PTPN6: variants seen among roughly 807,000 people sequenced by gnomAD.
PTPN6 encodes tyrosine-protein phosphatase non-receptor type 6.
PTPN6 carries 18 observed loss-of-function variants against 81.5 expected under a neutral mutation model. The observed-to-expected ratio is 0.22, with a 90% confidence interval of 0.15 to 0.33. The LOEUF is 0.33. Among genes scored for constraint, PTPN6 ranks in the 10% least tolerant of loss-of-function variants. The pLI, the probability that PTPN6 is intolerant of heterozygous loss-of-function variation, is 1.00. For synonymous variants in PTPN6, 301 were observed against 310.9 expected (o/e 0.97, Z 0.33); for missense variants, 500 against 794.2 (o/e 0.63, Z 4.45).
rs782105964 is a variant in PTPN6, at chr12:6,955,315, C to T, written c.633+48C>T. The T allele has an allele frequency of 6.2e-7, 1 of 1,611,308 alleles. No homozygotes were observed. On this transcript the variant is annotated intron_variant, in intron 5 of 15. Transcript: ENST00000318974. This position sits in a 1 kb window ranked among gnomAD's most constrained non-coding sequence, Gnocchi z 7.2. Reference sequence around the variant, plus strand: ...TCCCCACTTCCCCTGAGCTGTCCCCCAGATGTGAGCTTCTGGGATCTCTGA... The same window carrying T: ...TCCCCACTTCCCCTGAGCTGTCCCCTAGATGTGAGCTTCTGGGATCTCTGA...
upstream of PTPN6, among the ~76,000 whole-genome samples, chr12:6,949,450 G>A (rs1945889324): frequency 6.6e-6 from 1 of 152,206 alleles, no homozygotes; most frequent in Non-Finnish European, 1.5e-5. Flanking sequence ...TTGGGGGAAA[G>A]GGCACCAGGC....
chr12:6,952,158 T>C lies in PTPN6; in HGVS notation c.307T>C (p.Ser103Pro). ...CCACCTCAAGTACCCGCTGAACTGC[T>C]CCGATCCCACTAGTGAGAGGTGAGG... ...IIHLKYPLNC[S>P]DPTSERWYHG... Residue 103 changes from serine to proline, a missense_variant, in exon 3 of 16, where the codon TCC becomes CCC. Coordinates refer to ENST00000318974, the MANE Select transcript of PTPN6 (RefSeq NM_002831.6). The surrounding 1 kb of genome is among the most constrained non-coding windows in gnomAD (Gnocchi z 8.1). 6.2e-7 allele frequency: 1 copy of C among 1,613,690 alleles called. No individual in the cohort carries two copies. Among genetic ancestry groups the C allele is most frequent in the Non-Finnish European group, 8.5e-7 (1 of 1,179,936 alleles).
chr12:6,956,013 C>A lies in PTPN6; in HGVS notation c.845-129C>A. ...TACAGATGATCCCCCACCCCTGCTGCCCACAGTCCCCCGCAAGCCTCATGG... is the reference window on the plus strand; with the variant it reads ...TACAGATGATCCCCCACCCCTGCTGACCACAGTCCCCCGCAAGCCTCATGG... On this transcript the variant is annotated intron_variant, in intron 7 of 15. Coordinates refer to ENST00000318974, the MANE Select transcript of PTPN6 (RefSeq NM_002831.6). The surrounding 1 kb of genome is among the most constrained non-coding windows in gnomAD (Gnocchi z 4.1). 1 of 967,340 alleles carries A rather than the reference C, an allele frequency of 1.0e-6. No individual in the cohort carries two copies. Among genetic ancestry groups the A allele is most frequent in the Non-Finnish European group, 1.6e-6 (1 of 614,372 alleles). The allele number at this position is 967,340 out of a possible 1,614,324, so 59.9% of individuals were successfully genotyped here. A position where few individuals can be genotyped will look rare whatever the true frequency, so the allele number is the denominator to read the frequency against.
Position 6,955,600 on chromosome 12 carries a change from A to G in PTPN6, c.748-60A>G. On this transcript the variant is annotated intron_variant, in intron 6 of 15. Coordinates refer to ENST00000318974, the MANE Select transcript of PTPN6 (RefSeq NM_002831.6). The surrounding 1 kb of genome is among the most constrained non-coding windows in gnomAD (Gnocchi z 7.2). ...CTCTGCTCCTGACCCACCCCACGTG[A>G]GCTCCCCCGATGGATGCCCTCTTTG... 1 of 1,581,690 alleles carries G rather than the reference A, an allele frequency of 6.3e-7. No individual in the cohort carries two copies. Among genetic ancestry groups the G allele is most frequent in the Non-Finnish European group, 8.7e-7 (1 of 1,151,234 alleles).
Position 6,952,338 on chromosome 12 carries a change from C to A in PTPN6, c.326+161C>A. 1 of 815,800 alleles carries A rather than the reference C, an allele frequency of 1.2e-6. No individual in the cohort carries two copies. The highest frequency in any genetic ancestry group is 2.0e-6 in the Non-Finnish European group (1 of 508,256). The allele number at this position is 815,800 out of a possible 1,614,324, so 50.5% of individuals were successfully genotyped here. Reference sequence around the variant, plus strand: ...CTCAATGTCCCTCCTCCCTGCTGTCCTGGGACCTGGTGTCTCAGAGCCTAA... The same window carrying A: ...CTCAATGTCCCTCCTCCCTGCTGTCATGGGACCTGGTGTCTCAGAGCCTAA... On this transcript the variant is annotated intron_variant, in intron 3 of 15. Transcript: ENST00000318974. This position sits in a 1 kb window ranked among gnomAD's most constrained non-coding sequence, Gnocchi z 8.1.
At chr12:6,958,406 AGTAG>A (rs1946071737) in intron 11 of PTPN6, among the ~76,000 whole-genome samples, 1 of 152,232 alleles carries the variant, frequency 6.6e-6, no homozygotes, top group Admixed American at 6.5e-5. Flanking sequence ...AGGCACCCAC[AGTAG>A]GCCTGTGTCC....
Position 6,957,600 on chromosome 12 carries a change from T to C in PTPN6, c.1075-54T>C. On this transcript the variant is annotated intron_variant, in intron 9 of 15. Coordinates refer to ENST00000318974, the MANE Select transcript of PTPN6 (RefSeq NM_002831.6). This position sits in a 1 kb window ranked among gnomAD's most constrained non-coding sequence, Gnocchi z 6.5. ...TCAGAACATAGAGCAGGACCTGGGATGGGCCACAGTGCCCTGCTCTGTGCC... is the reference window on the plus strand; with the variant it reads ...TCAGAACATAGAGCAGGACCTGGGACGGGCCACAGTGCCCTGCTCTGTGCC... 2 of 1,599,400 alleles carry C rather than the reference T, an allele frequency of 1.3e-6. No homozygotes were observed. The highest frequency in any genetic ancestry group is 1.7e-6 in the Non-Finnish European group (2 of 1,172,388).
chr12:6,960,264 G>GGGA lies in PTPN6; in HGVS notation c.1581+27_1581+28insAGG, dbSNP rs1555149543. The GGGA allele has an allele frequency of 4.7e-5, 73 of 1,543,074 alleles. 1 individual carries two copies. In the African/African-American group the frequency reaches 7.8e-4, roughly 17 times the overall value. On this transcript the variant is annotated intron_variant, in intron 13 of 15. Coordinates refer to ENST00000318974, the MANE Select transcript of PTPN6 (RefSeq NM_002831.6). This position sits in a 1 kb window ranked among gnomAD's most constrained non-coding sequence, Gnocchi z 6.1. ...GGTGCGTGCAGAGCAGGGCCTGGGG[G>GGGA]GGGGGGGGGCTGCAGTGCAGGATGG...
chr12:6,954,762 C>G lies in PTPN6; in HGVS notation c.327-43C>G. The G allele has an allele frequency of 6.3e-7, 1 of 1,592,410 alleles. No individual in the cohort carries two copies. The highest frequency in any genetic ancestry group is 8.6e-7 in the Non-Finnish European group (1 of 1,166,978). On this transcript the variant is annotated intron_variant, in intron 3 of 15. Coordinates refer to ENST00000318974, the MANE Select transcript of PTPN6 (RefSeq NM_002831.6). This position sits in a 1 kb window ranked among gnomAD's most constrained non-coding sequence, Gnocchi z 5.4. ...TGAATGTCTCTGCTCAGCGCCTTCC[C>G]CTGTGGCCTGGGTCTTACCTTCCCT...
In PTPN6 at chr12:6,959,835, C is replaced by T. The variant is rs782573661; in HGVS notation, c.1362-92C>T. 7.3e-7 allele frequency: 1 copy of T among 1,375,866 alleles called. No homozygotes were observed. Among genetic ancestry groups the T allele is most frequent in the Non-Finnish European group, 1.0e-6 (1 of 971,084 alleles). The allele number at this position is 1,375,866 out of a possible 1,614,324, so 85.2% of individuals were successfully genotyped here. A position where few individuals can be genotyped will look rare whatever the true frequency, so the allele number is the denominator to read the frequency against. On this transcript the variant is annotated intron_variant, in intron 11 of 15. Coordinates refer to ENST00000318974, the MANE Select transcript of PTPN6 (RefSeq NM_002831.6). This position sits in a 1 kb window ranked among gnomAD's most constrained non-coding sequence, Gnocchi z 6.6. ...CCATCACTGGAGGCTCAGGCTGCTC[C>T]TGTGGTGCCTGGGGCTGGAGCTGAG...
At chr12:6,947,542 G>A (rs897974113), upstream of PTPN6, among the ~76,000 whole-genome samples, 28 of 151,900 alleles carry the variant, frequency 1.8e-4, no homozygotes, top group African/African-American at 6.8e-4. Context: ...GGTGGCACAC[G>A]TCCTGTGGTT....
In PTPN6 at chr12:6,951,501, G is replaced by GA. The variant is rs782621393; in HGVS notation, c.-10dup. On this transcript the variant is annotated 5_prime_UTR_variant, in exon 1 of 16. Coordinates refer to ENST00000318974, the MANE Select transcript of PTPN6 (RefSeq NM_002831.6). This position sits in a 1 kb window ranked among gnomAD's most constrained non-coding sequence, Gnocchi z 7.2. ...ATTCCCTGCGCCCCCTTCCTCTCCGGAAGCCCCCAGGATGGTGAGGTAAGG... is the reference window on the plus strand; with the variant it reads ...ATTCCCTGCGCCCCCTTCCTCTCCGGAAAGCCCCCAGGATGGTGAGGTAAGG... 1.1e-5 allele frequency: 17 copies of GA among 1,613,742 alleles called. No individual in the cohort carries two copies. The highest frequency in any genetic ancestry group is 1.4e-5 in the Non-Finnish European group (16 of 1,179,894).
chr12:6,950,481 C>T (rs1281541180), upstream of PTPN6, among the ~76,000 whole-genome samples: 1 of 152,168 alleles, frequency 6.6e-6, no homozygotes, highest in Non-Finnish European at 1.5e-5. Context: ...CCCCCAGCCC[C>T]CCAGGAGATA....
At chr12:6,950,109 C>T (rs781788912), upstream of PTPN6, among the ~76,000 whole-genome samples, 1 of 146,458 alleles carries the variant, frequency 6.8e-6, no homozygotes, top group African/African-American at 2.6e-5. Context: ...CCCATGCAAA[C>T]AGCATCCAGA....
At position 6,960,272 on chromosome 12, in the gene PTPN6, G is replaced by A. The variant is rs372607523; in HGVS notation, c.1581+33G>A. ...CAGAGCAGGGCCTGGGGGGGGGGGG[G>A]GCTGCAGTGCAGGATGGGTGCCACC... On this transcript the variant is annotated intron_variant, in intron 13 of 15. Coordinates refer to ENST00000318974, the MANE Select transcript of PTPN6 (RefSeq NM_002831.6). The surrounding 1 kb of genome is among the most constrained non-coding windows in gnomAD (Gnocchi z 6.1). The A allele has an allele frequency of 9.5e-4, 1,518 of 1,599,738 alleles. 7 individuals carry two copies. Among genetic ancestry groups the A allele is most frequent in the Non-Finnish European group, 1.1e-3 (1,265 of 1,172,174 alleles).
chr12:6,951,147 T>G, upstream of PTPN6: 1 of 1,061,760 alleles, frequency 9.4e-7, no homozygotes, highest in East Asian at 3.9e-5. This position sits in a 1 kb window ranked among gnomAD's most constrained non-coding sequence, Gnocchi z 7.2. Context: ...ACATGTGTCC[T>G]TACTGCATGT....
chr12:6,955,354 C>A lies in PTPN6; in HGVS notation c.634-18C>A. Reference sequence around the variant, plus strand: ...TGGGATCTCTGAGTTGCTGACTTCTCGCTCTTCCCCACCCCAGCCGTACTA... The same window carrying A: ...TGGGATCTCTGAGTTGCTGACTTCTAGCTCTTCCCCACCCCAGCCGTACTA... On this transcript the variant is annotated intron_variant, in intron 5 of 15. Coordinates refer to ENST00000318974, the MANE Select transcript of PTPN6 (RefSeq NM_002831.6). The surrounding 1 kb of genome is among the most constrained non-coding windows in gnomAD (Gnocchi z 7.2). 6.2e-7 allele frequency: 1 copy of A among 1,613,042 alleles called. No individual in the cohort carries two copies. Among genetic ancestry groups the A allele is most frequent in the South Asian group, 1.1e-5 (1 of 91,020 alleles).
upstream of PTPN6, among the ~76,000 whole-genome samples, chr12:6,951,060 G>T (rs1945914345): frequency 6.6e-6 from 1 of 152,212 alleles, no homozygotes; most frequent in African/African-American, 2.4e-5. This position sits in a 1 kb window ranked among gnomAD's most constrained non-coding sequence, Gnocchi z 7.2. Context: ...GCAGCTGGTG[G>T]AGGAGGGAGA....
chr12:6,959,755 A>G lies in PTPN6; in HGVS notation c.1362-172A>G. On this transcript the variant is annotated intron_variant, in intron 11 of 15. Coordinates refer to ENST00000318974, the MANE Select transcript of PTPN6 (RefSeq NM_002831.6). The surrounding 1 kb of genome is among the most constrained non-coding windows in gnomAD (Gnocchi z 6.6). ...AGCCCGAGGTGGAGCGTGTCCATGC[A>G]GAGCTGGGCAAACCTCCATCATCAC... 1.4e-6 allele frequency: 1 copy of G among 709,896 alleles called. No homozygotes were observed. The highest frequency in any genetic ancestry group is 2.5e-6 in the Non-Finnish European group (1 of 407,346). The allele number at this position is 709,896 out of a possible 1,614,324, so 44.0% of individuals were successfully genotyped here. A position where few individuals can be genotyped will look rare whatever the true frequency, so the allele number is the denominator to read the frequency against.
Sources: allele counts gnomAD v4.1 joint callset (sites outside exome capture counted in the v4.1 genomes callset), GRCh38; gene constraint gnomAD v4.1.1; non-coding constraint Gnocchi (gnomAD v3.1); transcripts MANE v1.5; gene names NCBI Gene and HGNC (gene_info 2026-07-23, HGNC 2026-07-21).